The following CACNA1C variants were observed in gnomAD, a reference collection of about 807,000 sequenced individuals.
The protein encoded by CACNA1C is voltage-dependent L-type calcium channel subunit alpha-1C.
Under a neutral mutation model 229.0 loss-of-function variants are expected in CACNA1C, and 30 were observed. The ratio of observed to expected loss-of-function variants is 0.13; its 90% CI spans 0.10 to 0.18. The LOEUF (loss-of-function observed/expected upper bound fraction) is 0.18, where lower values mean the gene tolerates loss of function less well. Ranked by LOEUF, CACNA1C falls within the 10% of genes least tolerant of loss-of-function variation. The pLI is 1.00. For synonymous variants in CACNA1C, 1,114 were observed against 1,132.5 expected, an observed-to-expected ratio of 0.98 and a Z score of 0.33; for missense variants, 1,658 against 2,845.0, an observed-to-expected ratio of 0.58 and a Z score of 9.49.
chr12:2,219,479 C>T (rs1299977255), intron 3 of CACNA1C, among the ~76,000 whole-genome samples: 1 of 152,100 alleles, frequency 6.6e-6, no homozygotes, highest in East Asian at 1.9e-4. Context: ...ATCTAGAAAC[C>T]AAGTGTTTTA....
chr12:2,280,295 T>A (rs1418387403), intron 3 of CACNA1C, among the ~76,000 whole-genome samples: 1 of 79,214 alleles, frequency 1.3e-5, no homozygotes, highest in Non-Finnish European at 2.3e-5. Flanking sequence ...CGGTTTAACC[T>A]CTTGATACCT....
chr12:2,146,771 C>T (rs958568564), intron 3 of CACNA1C, among the ~76,000 whole-genome samples: 3 of 151,286 alleles, frequency 2.0e-5, no homozygotes, highest in Admixed American at 6.6e-5. Context: ...CTTCTTCACC[C>T]TTTCCCCTCT....
intron 38 of CACNA1C, among the ~76,000 whole-genome samples, chr12:2,673,484 A>G (rs1174490760): frequency 6.7e-6 from 1 of 150,358 alleles, no homozygotes; most frequent in East Asian, 1.9e-4. Flanking sequence ...AAAAAAAAAA[A>G]GACACCCCGT....
chr12:2,545,344 T>C lies in CACNA1C; in HGVS notation c.1391-4599T>C, dbSNP rs553056706. 2.6e-5 allele frequency among the ~76,000 whole-genome samples: 4 copies of C among 152,036 alleles called. No individual in the cohort carries two copies. In the South Asian group the frequency reaches 8.3e-4, roughly 32 times the overall value. Reference sequence around the variant, plus strand: ...GTTATTCGGCAAATTCTCTTGTAGTTGTAAGAGGATCGGCTTTGATGGTGG... The same window carrying C: ...GTTATTCGGCAAATTCTCTTGTAGTCGTAAGAGGATCGGCTTTGATGGTGG... On this transcript the variant is annotated intron_variant, in intron 9 of 46. Coordinates refer to ENST00000399655, the MANE Select transcript of CACNA1C (RefSeq NM_000719.7).
chr12:2,265,916 T>G (rs2082216898), intron 3 of CACNA1C, among the ~76,000 whole-genome samples: 1 of 152,242 alleles, frequency 6.6e-6, no homozygotes, highest in South Asian at 2.1e-4. Flanking sequence ...GATCCTGTGT[T>G]ATTTATCTCA....
intron 3 of CACNA1C, among the ~76,000 whole-genome samples, chr12:2,190,924 G>A (rs539098704): frequency 3.3e-5 from 5 of 152,220 alleles, no homozygotes; most frequent in East Asian, 3.9e-4. Context: ...GGCCCAAGTC[G>A]CACCCATGTT....
chr12:2,648,843 T>C (rs746336359), intron 31 of CACNA1C, among the ~76,000 whole-genome samples: 1 of 152,128 alleles, frequency 6.6e-6, no homozygotes, highest in Non-Finnish European at 1.5e-5. Flanking sequence ...CCTCTAACCT[T>C]AATCTGATAG....
intron 3 of CACNA1C, chr12:2,222,516 T>A (rs1210811482): frequency 1.3e-5 from 2 of 152,136 alleles, no homozygotes; most frequent in African/African-American, 2.4e-5. Flanking sequence ...TAGAAAATAT[T>A]TTGTAAGAGG....
At position 2,136,179 on chromosome 12, in the gene CACNA1C, G is replaced by A. The variant is rs994924458; in HGVS notation, c.477+15749G>A. Among the ~76,000 whole-genome samples the A allele has an allele frequency of 1.1e-4, 17 of 151,462 alleles. 1 individual carries two copies. The highest frequency in any genetic ancestry group is 2.6e-4 in the Admixed American group (4 of 15,108). On this transcript the variant is annotated intron_variant, in intron 3 of 46. Coordinates refer to ENST00000399655, the MANE Select transcript of CACNA1C (RefSeq NM_000719.7). ...CCTGCTTTGGCTCGCGCACCCACTG[G>A]CCTGCGCCCACTGTCTGGCACTCCC...
intron 1 of CACNA1C, among the ~76,000 whole-genome samples, chr12:2,078,205 G>A (rs2063953175): frequency 6.6e-6 from 1 of 152,194 alleles, no homozygotes; most frequent in Admixed American, 6.5e-5. Flanking sequence ...TGAGGACACA[G>A]AGAGAAGGTG....
intron 4 of CACNA1C, among the ~76,000 whole-genome samples, chr12:2,455,186 A>T (rs550617003): frequency 1.5e-4 from 23 of 152,256 alleles, no homozygotes; most frequent in African/African-American, 5.5e-4. Flanking sequence ...CATATCTCCC[A>T]TTCAGAAACA....
intron 31 of CACNA1C, among the ~76,000 whole-genome samples, chr12:2,650,845 C>G (rs1165680902): frequency 4.6e-5 from 7 of 152,136 alleles, no homozygotes; most frequent in Non-Finnish European, 1.0e-4. Context: ...GCCTCACTTG[C>G]AAGGGAGGCC....
intron 5 of CACNA1C, among the ~76,000 whole-genome samples, chr12:2,483,629 C>A (rs187687568): frequency 1.4e-3 from 217 of 152,180 alleles, no homozygotes; most frequent in African/African-American, 4.5e-3. Context: ...ACTTTTAAAC[C>A]AAACCAGCAG....
At chr12:2,537,848 G>T (rs1382155425) in intron 9 of CACNA1C, among the ~76,000 whole-genome samples, 1 of 151,668 alleles carries the variant, frequency 6.6e-6, no homozygotes, top group East Asian at 1.9e-4. Context: ...GTCCCCGAGG[G>T]TCTGAGCATG....
At position 2,410,190 on chromosome 12, in the gene CACNA1C, C is replaced by G. The variant is rs985217207; in HGVS notation, c.478-38786C>G. On this transcript the variant is annotated intron_variant, in intron 3 of 46. Coordinates refer to ENST00000399655, the MANE Select transcript of CACNA1C (RefSeq NM_000719.7). This position sits in a 1 kb window ranked among gnomAD's most constrained non-coding sequence, Gnocchi z 5.3. ...ATCTGCCAGAGGGACAGGGTCCTTC[C>G]CCGCAGCACTGAGGCTTGGCCAGTC... Among the ~76,000 whole-genome samples, 9 of 152,328 alleles carry G rather than the reference C, an allele frequency of 5.9e-5. No individual in the cohort carries two copies. The highest frequency in any genetic ancestry group is 3.3e-4 in the Admixed American group (5 of 15,306).
chr12:2,391,367 A>G (rs1285281315), intron 3 of CACNA1C, among the ~76,000 whole-genome samples: 1 of 152,208 alleles, frequency 6.6e-6, no homozygotes, highest in Non-Finnish European at 1.5e-5. Flanking sequence ...GATGACTCAG[A>G]GAGCAAGTGT....
chr12:2,438,905 G>C (rs1193354024), intron 3 of CACNA1C, among the ~76,000 whole-genome samples: 1 of 152,094 alleles, frequency 6.6e-6, no homozygotes, highest in Non-Finnish European at 1.5e-5. Context: ...TTAGTAGAGA[G>C]TTTTAAGGCC....
chr12:2,002,919 A>G (rs1593456288), intron 1 of CACNA1C, among the ~76,000 whole-genome samples: 1 of 151,998 alleles, frequency 6.6e-6, no homozygotes, highest in Middle Eastern at 3.4e-3. Flanking sequence ...AAACAAAAAC[A>G]AACAAAAAAA....
chr12:2,339,846 A>AT (rs1482564631), intron 3 of CACNA1C, among the ~76,000 whole-genome samples: 1 of 152,218 alleles, frequency 6.6e-6, no homozygotes, highest in Non-Finnish European at 1.5e-5. Flanking sequence ...TTAAGGGCAG[A>AT]TTTTTAAAGA....
Sources: gnomAD v4.1 joint callset for allele counts (sites outside exome capture counted in the v4.1 genomes callset) on GRCh38, gnomAD v4.1.1 for gene constraint, Gnocchi (gnomAD v3.1) non-coding constraint, MANE v1.5 for transcripts, NCBI Gene and HGNC (gene_info 2026-07-23, HGNC 2026-07-21) for gene names.